Variants in NCAM1 observed in about 807,000 individuals in gnomAD.
NCAM1 encodes the protein neural cell adhesion molecule 1, also known as antigen recognized by monoclonal antibody 5.1H11.
NCAM1 carries 14 observed loss-of-function variants against 109.8 expected under a neutral mutation model. That is an observed-to-expected ratio of 0.13 (90% CI 0.08 to 0.20). The LOEUF (loss-of-function observed/expected upper bound fraction) is 0.20, where lower values mean the gene tolerates loss of function less well. Ranked by LOEUF, NCAM1 falls within the 10% of genes least tolerant of loss-of-function variation. NCAM1 has a pLI of 1.00. For missense variants in NCAM1, 774 were observed against 1,109.9 expected, an observed-to-expected ratio of 0.70 and a Z score of 4.30; for synonymous variants, 418 against 442.9, an observed-to-expected ratio of 0.94 and a Z score of 0.70.
chr11:113,205,467 G>A (rs888040830), intron 3 of NCAM1, 56 bp from the exon 4 acceptor site: 5 of 1,569,272 alleles, frequency 3.2e-6, no homozygotes, highest in Non-Finnish European at 4.3e-6. Context: ...TCTAGTGAAA[G>A]GGGTTCTTTG....
intron 1 of NCAM1, among the ~76,000 whole-genome samples, chr11:113,114,765 C>G (rs1344379318): frequency 6.6e-6 from 1 of 152,200 alleles, no homozygotes; most frequent in Non-Finnish European, 1.5e-5. Context: ...TTTTACTCAG[C>G]TAGTCAACAA....
chr11:112,968,982 T>C (rs1040266814), intron 1 of NCAM1, among the ~76,000 whole-genome samples: 1 of 152,184 alleles, frequency 6.6e-6, no homozygotes, highest in Non-Finnish European at 1.5e-5. Context: ...CATCTGCCTT[T>C]AGAGCTTACC....
intron 1 of NCAM1, among the ~76,000 whole-genome samples, chr11:113,048,454 C>A (rs556762642): frequency 6.6e-6 from 1 of 152,256 alleles, no homozygotes; most frequent in Non-Finnish European, 1.5e-5. Flanking sequence ...TAAACTGCTA[C>A]CTGTGGTTGA....
chr11:113,277,433 T>C lies in NCAM1; in HGVS notation c.*2046T>C, dbSNP rs117166580. 3.0e-5 allele frequency: 12 copies of C among 398,978 alleles called. No homozygotes were observed. In the East Asian group the frequency reaches 3.6e-4, roughly 12 times the overall value. 24.7% of individuals were successfully genotyped at this position (398,978 alleles called of 1,614,324 possible). On this transcript the variant is annotated 3_prime_UTR_variant, in exon 20 of 20. Coordinates refer to ENST00000316851, the MANE Select transcript of NCAM1 (RefSeq NM_181351.5). Reference sequence around the variant, plus strand: ...GGCCTGCACAGATCTCTGGTTCAAATGCACAGGCCCTCAGAATAGAGGAAC... The same window carrying C: ...GGCCTGCACAGATCTCTGGTTCAAACGCACAGGCCCTCAGAATAGAGGAAC...
chr11:113,204,310 A>G lies in NCAM1; in HGVS notation c.152A>G (p.Asp51Gly). The change falls in exon 3 of 20, where the codon GAC becomes GGC. Residue 51 changes from aspartate (D) to glycine (G), a missense_variant. By Grantham distance (94) the Asp-to-Gly change is moderately conservative (BLOSUM62 -1). This residue lies in a region of NCAM1 where 112 missense variants were observed against 142.0 expected (regional missense o/e 0.79). Transcript: ENST00000316851. The stretch of plus-strand genomic sequence containing the variant: ...GTGGCAGGAGATGCCAAAGATAAAG[A>G]CATCTCCTGGTTCTCCCCCAATGGA... ...CQVAGDAKDK[D>G]ISWFSPNGEK... 1 of 1,613,080 alleles carries G rather than the reference A, an allele frequency of 6.2e-7. No individual in the cohort carries two copies. Among genetic ancestry groups the G allele is most frequent in the Non-Finnish European group, 8.5e-7 (1 of 1,179,482 alleles).
intron 1 of NCAM1, among the ~76,000 whole-genome samples, chr11:113,011,008 T>A (rs1231751155): frequency 6.6e-6 from 1 of 151,438 alleles, no homozygotes; most frequent in African/African-American, 2.4e-5. Context: ...CATGTGCACA[T>A]TGTGCAGGTT....
At chr11:113,232,001 G>A (rs1182910846) in intron 10 of NCAM1, among the ~76,000 whole-genome samples, 169 bp from the exon 11 acceptor site, 2 of 152,110 alleles carry the variant, frequency 1.3e-5, no homozygotes, top group East Asian at 3.9e-4. Context: ...CTGTGCCCTT[G>A]AGTCTTCTTC....
chr11:113,122,045 G>A (rs550577457), intron 1 of NCAM1, among the ~76,000 whole-genome samples: 1 of 152,146 alleles, frequency 6.6e-6, no homozygotes, highest in Non-Finnish European at 1.5e-5. Flanking sequence ...AGGCAGAAAG[G>A]GGGTAATCTA....
chr11:113,052,157 G>A (rs1953525377), intron 1 of NCAM1, among the ~76,000 whole-genome samples: 2 of 152,118 alleles, frequency 1.3e-5, no homozygotes, highest in East Asian at 1.9e-4. Flanking sequence ...GACAGTAATC[G>A]AATCCAATCC....
chr11:112,994,430 C>T (rs782386881), intron 1 of NCAM1, among the ~76,000 whole-genome samples: 2 of 152,156 alleles, frequency 1.3e-5, no homozygotes, highest in Admixed American at 6.5e-5. Flanking sequence ...GTGTTCTAAA[C>T]GTTTTAATGC....
intron 1 of NCAM1, among the ~76,000 whole-genome samples, chr11:113,116,287 G>T (rs1404701094): frequency 6.6e-6 from 1 of 152,128 alleles, no homozygotes; most frequent in Non-Finnish European, 1.5e-5. Context: ...ATAATCTTTT[G>T]TCCATTCAGG....
rs553722591 is a variant in NCAM1 at position 113,166,192 on chromosome 11, A to T, written c.53-36187A>T. ...TCCCGCCTTCTCCCTGGGAAATGTGATAATGATCAGAAAAATAGCAAAAAG... is the reference window on the plus strand; with the variant it reads ...TCCCGCCTTCTCCCTGGGAAATGTGTTAATGATCAGAAAAATAGCAAAAAG... On this transcript the variant is annotated intron_variant, in intron 1 of 19. Coordinates refer to ENST00000316851, the MANE Select transcript of NCAM1 (RefSeq NM_181351.5). 3.0e-4 allele frequency among the ~76,000 whole-genome samples: 46 copies of T among 152,254 alleles called. No homozygotes were observed. The South Asian group carries it at 5.4e-3, about 18-fold the overall frequency.
At chr11:113,178,964 T>C (rs1565482214) in intron 1 of NCAM1, among the ~76,000 whole-genome samples, 2 of 152,336 alleles carry the variant, frequency 1.3e-5, no homozygotes, top group East Asian at 3.9e-4. Flanking sequence ...AGGACTTGAA[T>C]GTCAGGCAGG....
intron 1 of NCAM1, among the ~76,000 whole-genome samples, chr11:113,092,532 AGT>A (rs782312516): frequency 6.6e-6 from 1 of 152,184 alleles, no homozygotes; most frequent in Non-Finnish European, 1.5e-5. Context: ...GCTACCAAGT[AGT>A]GGAATTGGGA....
intron 1 of NCAM1, among the ~76,000 whole-genome samples, chr11:113,027,768 C>G (rs1362053860): frequency 2.0e-5 from 3 of 152,178 alleles, no homozygotes; most frequent in African/African-American, 7.2e-5. Flanking sequence ...GCTAACTTTT[C>G]TAAGAAGGAG....
At chr11:113,009,336 T>G (rs1555073950) in intron 1 of NCAM1, among the ~76,000 whole-genome samples, 1 of 143,100 alleles carries the variant, frequency 7.0e-6, no homozygotes, top group Admixed American at 7.0e-5. Context: ...TTTTTTTTTT[T>G]TTTTTATTGA....
intron 1 of NCAM1, among the ~76,000 whole-genome samples, chr11:113,048,613 G>A (rs1953352186): frequency 6.6e-6 from 1 of 152,212 alleles, no homozygotes; most frequent in Non-Finnish European, 1.5e-5. Flanking sequence ...TGCAAAATGA[G>A]TAAAGGACTG....
At chr11:113,263,063 G>A in intron 17 of NCAM1, 1 of 1,412,196 alleles carries the variant, frequency 7.1e-7, no homozygotes, top group Non-Finnish European at 9.2e-7. Context: ...AGAAGGTTTT[G>A]TGATTGGAAA....
intron 7 of NCAM1, among the ~76,000 whole-genome samples, chr11:113,210,984 C>A (rs537073556): frequency 2.0e-5 from 3 of 152,110 alleles, no homozygotes; most frequent in Non-Finnish European, 2.9e-5. Flanking sequence ...TCATAGTCTG[C>A]GGAGCGTTCA....
Sources: allele counts gnomAD v4.1 joint callset (sites outside exome capture counted in the v4.1 genomes callset), GRCh38; gene constraint gnomAD v4.1.1; regional missense constraint gnomAD v4.1.1; transcripts MANE v1.5; gene names NCBI Gene and HGNC (gene_info 2026-07-23, HGNC 2026-07-21).